Variants in USP3 observed in about 807,000 individuals in gnomAD.
USP3 encodes ubiquitin carboxyl-terminal hydrolase 3.
In USP3, 20 loss-of-function variants were observed where a neutral mutation model predicts 72.3. The observed-to-expected ratio is 0.28, with a 90% CI of 0.19 to 0.40. The LOEUF is 0.40. Ranked by LOEUF, USP3 falls within the 10% of genes least tolerant of loss-of-function variation. USP3 has a pLI of 1.00. For synonymous variants in USP3, 222 were observed against 225.3 expected, an observed-to-expected ratio of 0.99 and a Z score of 0.13; for missense variants, 479 against 633.9, an observed-to-expected ratio of 0.76 and a Z score of 2.62.
Position 63,593,095 on chromosome 15 carries a change from A to G in USP3, c.*2269A>G, listed in dbSNP as rs1250144139. The G allele has an allele frequency of 6.6e-6, 1 of 152,240 alleles. No homozygotes were observed. Among genetic ancestry groups the G allele is most frequent in the Non-Finnish European group, 1.5e-5 (1 of 68,034 alleles). 9.4% of individuals were successfully genotyped at this position (152,240 alleles called of 1,614,324 possible). ...CAATGCTGGTCTAAATTTTCACTCC[A>G]AAGAATAAAACTTTGCCATCATGTT... On this transcript the variant is annotated 3_prime_UTR_variant, in exon 15 of 15. Coordinates refer to ENST00000380324, the MANE Select transcript of USP3 (RefSeq NM_006537.4).
chr15:63,568,754 AATT>A (rs1306463087), intron 8 of USP3, among the ~76,000 whole-genome samples: 5 of 152,226 alleles, frequency 3.3e-5, no homozygotes, highest in Non-Finnish European at 7.3e-5. Flanking sequence ...GTTTAGTAAG[AATT>A]AGAAAAAGTT....
chr15:63,549,818 T>C (rs2066410993), intron 3 of USP3, among the ~76,000 whole-genome samples: 1 of 152,232 alleles, frequency 6.6e-6, no homozygotes, highest in Admixed American at 6.5e-5. Flanking sequence ...TTGTCGAATA[T>C]TGGCAAGCAT....
intron 3 of USP3, among the ~76,000 whole-genome samples, chr15:63,547,549 G>A (rs1036838485): frequency 2.0e-5 from 3 of 151,860 alleles, no homozygotes; most frequent in Admixed American, 2.0e-4. Flanking sequence ...GGGCAACATA[G>A]TGAGACCCTG....
At chr15:63,508,855 T>G (rs952562097) in intron 1 of USP3, among the ~76,000 whole-genome samples, 1 of 152,184 alleles carries the variant, frequency 6.6e-6, no homozygotes, top group Non-Finnish European at 1.5e-5. Flanking sequence ...CTTCAATGAG[T>G]TGAGAGTGCC....
intron 8 of USP3, 131 bp downstream of exon 8, chr15:63,563,139 T>C: frequency 5.2e-6 from 3 of 580,822 alleles, no homozygotes; most frequent in Non-Finnish European, 8.1e-6. Flanking sequence ...TTTTTTCTTT[T>C]TAAGAAGAAG....
chr15:63,572,817 A>G (rs2066801137), intron 9 of USP3, among the ~76,000 whole-genome samples: 1 of 152,266 alleles, frequency 6.6e-6, no homozygotes, highest in South Asian at 2.1e-4. Context: ...ATGTAGTACT[A>G]TTAATGATAG....
intron 3 of USP3, among the ~76,000 whole-genome samples, chr15:63,540,174 CTG>C (rs2066223293): frequency 6.6e-6 from 1 of 152,172 alleles, no homozygotes; most frequent in Non-Finnish European, 1.5e-5. Context: ...ATAACATACT[CTG>C]AGGCTTGCAG....
At chr15:63,554,175 G>T (rs1054345322) in intron 4 of USP3, among the ~76,000 whole-genome samples, 5 of 152,108 alleles carry the variant, frequency 3.3e-5, no homozygotes, top group African/African-American at 1.2e-4. Context: ...GTATTATGAG[G>T]TCTACTAGGA....
At chr15:63,577,490 C>G (rs571871004) in intron 11 of USP3, among the ~76,000 whole-genome samples, 1 of 152,314 alleles carries the variant, frequency 6.6e-6, no homozygotes, top group Admixed American at 6.5e-5. Context: ...GGCGTGGTGG[C>G]TCACGCCTGT....
chr15:63,527,800 A>G (rs2066007243), intron 1 of USP3: 2 of 152,230 alleles, frequency 1.3e-5, no homozygotes, highest in Admixed American at 1.3e-4. Context: ...AGCACGGACT[A>G]AACCACTTTT....
intron 11 of USP3, among the ~76,000 whole-genome samples, chr15:63,581,622 C>T (rs2066965299): frequency 6.8e-6 from 1 of 147,892 alleles, no homozygotes; most frequent in African/African-American, 2.5e-5. Context: ...GTCTCAAACT[C>T]CTGACCTCAT....
At chr15:63,585,058 T>G (rs2067032884) in intron 11 of USP3, among the ~76,000 whole-genome samples, 1 of 152,228 alleles carries the variant, frequency 6.6e-6, no homozygotes, top group Non-Finnish European at 1.5e-5. Context: ...CAGTTGACTA[T>G]ATAGTAAGAG....
chr15:63,589,807 G>A (rs2067152124), intron 14 of USP3, among the ~76,000 whole-genome samples: 1 of 148,322 alleles, frequency 6.7e-6, no homozygotes, highest in South Asian at 2.1e-4. Flanking sequence ...TGTTTCTAAA[G>A]ACTGCCATGG....
At chr15:63,524,646 C>T (rs968083384) in intron 1 of USP3, among the ~76,000 whole-genome samples, 7 of 152,132 alleles carry the variant, frequency 4.6e-5, no homozygotes, top group African/African-American at 1.7e-4. Flanking sequence ...CTCTGTGCTC[C>T]TTGGTGTCTC....
At position 63,520,139 on chromosome 15, in the gene USP3, A is replaced by G. The variant is rs150199070; in HGVS notation, c.92-12508A>G. ...AGCACAGTAGAGCTGAGAAATATAAATAAATAAGCATATCTACATCTGTTT... is the reference window on the plus strand; with the variant it reads ...AGCACAGTAGAGCTGAGAAATATAAGTAAATAAGCATATCTACATCTGTTT... On this transcript the variant is annotated intron_variant, in intron 1 of 14. Transcript: ENST00000380324. 2.4e-3 allele frequency among the ~76,000 whole-genome samples: 360 copies of G among 152,324 alleles called. 4 individuals carry two copies. Among genetic ancestry groups the G allele is most frequent in the Middle Eastern group, 0.02 (6 of 294 alleles).
At chr15:63,508,861 G>A (rs561721237) in intron 1 of USP3, among the ~76,000 whole-genome samples, 74 of 152,260 alleles carry the variant, frequency 4.9e-4, no homozygotes, top group African/African-American at 1.7e-3. Context: ...TGAGTTGAGA[G>A]TGCCTCTTTA....
Position 63,558,736 on chromosome 15 carries a change from G to A in USP3, c.533+548G>A, listed in dbSNP as rs149919387. On this transcript the variant is annotated intron_variant, in intron 6 of 14. Coordinates refer to ENST00000380324, the MANE Select transcript of USP3 (RefSeq NM_006537.4). ...CTAAAAATACAAAAATTAGCTGGGC[G>A]TGGTGGCATGCGCCTCTAGTCCCAG... is the stretch of plus-strand genomic sequence containing the variant. Among the ~76,000 whole-genome samples, 259 of 152,222 alleles carry A rather than the reference G, an allele frequency of 1.7e-3. 3 individuals are homozygous for A. The East Asian group carries it at 0.022, about 13-fold the overall frequency.
chr15:63,556,441 C>A (rs1422315074), intron 4 of USP3: 3 of 381,032 alleles, frequency 7.9e-6, no homozygotes, highest in Non-Finnish European at 1.4e-5. Context: ...CCAGCTTTGC[C>A]AGGAGCAGTG....
At chr15:63,557,389 A>C (rs2152671585) in intron 5 of USP3, among the ~76,000 whole-genome samples, 1 of 152,190 alleles carries the variant, frequency 6.6e-6, no homozygotes, top group East Asian at 1.9e-4. Context: ...CAACCTCCCA[A>C]GTAGCTGGGA....
Sources: allele counts gnomAD v4.1 joint callset (sites outside exome capture counted in the v4.1 genomes callset), GRCh38; gene constraint gnomAD v4.1.1; transcripts MANE v1.5; gene names NCBI Gene and HGNC (gene_info 2026-07-23, HGNC 2026-07-21).